IHO1: variants seen among roughly 807,000 people sequenced by gnomAD.
IHO1 encodes interactor of HORMAD1 1.
A neutral mutation model predicts 31.0 loss-of-function variants in IHO1; 13 were observed. The observed-to-expected ratio is 0.42, with a 90% CI of 0.27 to 0.67. IHO1 has a LOEUF of 0.67. Ranked by LOEUF, IHO1 falls within the 30% of genes least tolerant of loss-of-function variation. IHO1 has a pLI of 0.24. For missense variants in IHO1, 599 were observed against 687.5 expected (o/e 0.87, Z 1.44); for synonymous variants, 221 against 248.4 (o/e 0.89, Z 1.04).
At chr3:49,196,623 C>T (rs1422753516), upstream of IHO1, among the ~76,000 whole-genome samples, 3 of 151,922 alleles carry the variant, frequency 2.0e-5, no homozygotes, top group Non-Finnish European at 2.9e-5. Context: ...GCTGGGATTA[C>T]AGGCGTGCGC....
rs143882772 is a variant in IHO1 at position 49,230,551 on chromosome 3, T to C, written c.57-5997T>C. ...ATGTAGGGCAAGCAATTGAACCTACTTGTAAAAAATTTTCACAGTGTTACA... is the reference window on the plus strand; with the variant it reads ...ATGTAGGGCAAGCAATTGAACCTACCTGTAAAAAATTTTCACAGTGTTACA... On this transcript the variant is annotated intron_variant, in intron 2 of 7. Transcript: ENST00000452691. Among the ~76,000 whole-genome samples, 893 of 152,350 alleles carry C rather than the reference T, an allele frequency of 5.9e-3. 10 individuals carry two copies. Among genetic ancestry groups the C allele is most frequent in the African/African-American group, 0.02 (851 of 41,586 alleles).
intron 6 of IHO1, among the ~76,000 whole-genome samples, chr3:49,248,834 TTC>T (rs1297821212): frequency 1.3e-5 from 2 of 152,206 alleles, no homozygotes; most frequent in East Asian, 3.8e-4. Context: ...TCCAGAATAA[TTC>T]TCTTTCTTGG....
chr3:49,248,513 G>T (rs1358307801), intron 6 of IHO1, among the ~76,000 whole-genome samples: 1 of 152,072 alleles, frequency 6.6e-6, no homozygotes, highest in Non-Finnish European at 1.5e-5. Context: ...TGGATCACTT[G>T]AGGTCAGGAG....
intron 2 of IHO1, among the ~76,000 whole-genome samples, chr3:49,213,505 G>A (rs978176466): frequency 2.6e-5 from 4 of 152,246 alleles, no homozygotes; most frequent in Non-Finnish European, 4.4e-5. Flanking sequence ...GGCCGCAGGC[G>A]GAGCTGCCTG....
At chr3:49,221,886 G>A (rs1374141430) in intron 2 of IHO1, among the ~76,000 whole-genome samples, 1 of 152,246 alleles carries the variant, frequency 6.6e-6, no homozygotes, top group Non-Finnish European at 1.5e-5. Context: ...GAGTTTGAAA[G>A]GCACTGTCTG....
the IHO1 span, chr3:49,191,839 G>C: frequency 1.4e-6 from 2 of 1,471,436 alleles, no homozygotes; most frequent in East Asian, 4.9e-5. Flanking sequence ...TCAGGAAAGA[G>C]AATCTCTGGA....
chr3:49,253,700 T>C (rs184425018), intron 6 of IHO1, among the ~76,000 whole-genome samples: 84 of 152,304 alleles, frequency 5.5e-4, no homozygotes, highest in African/African-American at 1.9e-3. Context: ...AAGTCTACAG[T>C]TACATGGTCT....
intron 6 of IHO1, among the ~76,000 whole-genome samples, chr3:49,246,841 T>A (rs78145974): frequency 6.6e-6 from 1 of 151,746 alleles, no homozygotes; most frequent in Non-Finnish European, 1.5e-5. Context: ...TTTCTTTTGC[T>A]TTTCTTTTTT....
chr3:49,207,931 G>T (rs1314362672), intron 1 of IHO1, among the ~76,000 whole-genome samples: 1 of 151,918 alleles, frequency 6.6e-6, no homozygotes, highest in Non-Finnish European at 1.5e-5. Context: ...CTGCCACCAC[G>T]CCTGGCTAAT....
intron 6 of IHO1, among the ~76,000 whole-genome samples, chr3:49,254,612 G>T (rs1431731971): frequency 6.6e-6 from 1 of 152,168 alleles, no homozygotes; most frequent in Non-Finnish European, 1.5e-5. Flanking sequence ...CAGGGTACTT[G>T]AAGCTAAGGG....
At chr3:49,212,363 A>G (rs2046231661) in intron 2 of IHO1, among the ~76,000 whole-genome samples, 1 of 151,610 alleles carries the variant, frequency 6.6e-6, no homozygotes, top group South Asian at 2.1e-4. Flanking sequence ...AAAAAATACA[A>G]AGAGTAGCCA....
At chr3:49,222,786 T>C (rs1320294277) in intron 2 of IHO1, among the ~76,000 whole-genome samples, 1 of 152,138 alleles carries the variant, frequency 6.6e-6, no homozygotes, top group Non-Finnish European at 1.5e-5. Context: ...GGTTCGCAAG[T>C]TTATTGAGGC....
At chr3:49,207,047 CAA>C (rs71077775) in intron 1 of IHO1, among the ~76,000 whole-genome samples, 4 of 48,758 alleles carry the variant, frequency 8.2e-5, no homozygotes, top group Non-Finnish European at 4.1e-5. Flanking sequence ...GACTCTGTCT[CAA>C]AAAAAAAAAA....
chr3:49,243,940 C>CTT (rs1176268885), intron 4 of IHO1, among the ~76,000 whole-genome samples: 2 of 138,986 alleles, frequency 1.4e-5, no homozygotes, highest in African/African-American at 2.6e-5. Flanking sequence ...TGTGTTCTCT[C>CTT]TTTTTTTTTT....
At chr3:49,236,871 C>T (rs1328253640) in intron 3 of IHO1, 149 bp downstream of exon 3, 5 of 687,030 alleles carry the variant, frequency 7.3e-6, no homozygotes, top group Non-Finnish European at 9.4e-6. Flanking sequence ...CCCTTGAGCC[C>T]AGGAGTTTGA....
At position 49,244,746 on chromosome 3, in the gene IHO1, T is replaced by G. The variant is rs777249586; in HGVS notation, c.532+13T>G. The G allele has an allele frequency of 1.9e-6, 3 of 1,607,236 alleles. No homozygotes were observed. Among genetic ancestry groups the G allele is most frequent in the Non-Finnish European group, 2.6e-6 (3 of 1,173,840 alleles). ...GTGGCCAAGACATGTGAGTGCCTCA[T>G]GTTTGAGGTATCAGCAGAGGGCACT... On this transcript the variant is annotated intron_variant, in intron 6 of 7. Coordinates refer to ENST00000452691, the MANE Select transcript of IHO1 (RefSeq NM_001135197.2).
At chr3:49,238,845 A>G (rs1160490721) in intron 3 of IHO1, among the ~76,000 whole-genome samples, 23 of 152,018 alleles carry the variant, frequency 1.5e-4, no homozygotes, top group Admixed American at 1.4e-3. Flanking sequence ...AAAGAGAAAA[A>G]CCTGCTTTCC....
In IHO1 at chr3:49,257,769, G is replaced by C. The variant is rs2046842514; in HGVS notation, c.*487G>C. The C allele has an allele frequency of 6.4e-6, 1 of 157,054 alleles. No homozygotes were observed. Among genetic ancestry groups the C allele is most frequent in the African/African-American group, 2.4e-5 (1 of 41,414 alleles). 9.7% of individuals were successfully genotyped at this position (157,054 alleles called of 1,614,324 possible). On this transcript the variant is annotated 3_prime_UTR_variant, in exon 8 of 8. Coordinates refer to ENST00000452691, the MANE Select transcript of IHO1 (RefSeq NM_001135197.2). ...AGCCACTTATGCTACCAGAATGTTTGCATTTTTTGATCAGTAGACATATTA... is the reference window on the plus strand; with the variant it reads ...AGCCACTTATGCTACCAGAATGTTTCCATTTTTTGATCAGTAGACATATTA...
rs908541407 is a variant in IHO1, at chr3:49,244,277, A to G, written c.396-127A>G. 1.1e-5 allele frequency: 7 copies of G among 666,420 alleles called. No individual in the cohort carries two copies. In the African/African-American group the frequency reaches 1.1e-4, roughly 11 times the overall value. The allele number at this position is 666,420 out of a possible 1,614,324, so 41.3% of individuals were successfully genotyped here. A position where few individuals can be genotyped will look rare whatever the true frequency, so the allele number is the denominator to read the frequency against. ...TAAGGTTTCTCAGGGTCAAGTCTTC[A>G]GATCTAATCAAGCAATGTTTTGATG... On this transcript the variant is annotated intron_variant, in intron 4 of 7. Coordinates refer to ENST00000452691, the MANE Select transcript of IHO1 (RefSeq NM_001135197.2).
Sources: allele counts gnomAD v4.1 joint callset (sites outside exome capture counted in the v4.1 genomes callset), GRCh38; gene constraint gnomAD v4.1.1; transcripts MANE v1.5; gene names NCBI Gene and HGNC (gene_info 2026-07-23, HGNC 2026-07-21).